The following RSPH4A variants were observed in gnomAD, a reference collection of about 807,000 sequenced individuals.
The protein encoded by RSPH4A is radial spoke head component 4A.
In RSPH4A, 47 loss-of-function variants were observed where a neutral mutation model predicts 71.0. The observed-to-expected ratio is 0.66, with a 90% confidence interval of 0.52 to 0.84. RSPH4A has a LOEUF of 0.84. Among genes scored for constraint, RSPH4A ranks in the 40% least tolerant of loss-of-function variants. The pLI is 0.00. For synonymous variants in RSPH4A, 282 were observed against 302.3 expected, an observed-to-expected ratio of 0.93 and a Z score of 0.70; for missense variants, 793 against 855.2, an observed-to-expected ratio of 0.93 and a Z score of 0.91.
intron 2 of RSPH4A, among the ~76,000 whole-genome samples, chr6:116,624,078 G>A (rs784129): frequency 0.64 from 97,612 of 152,084 alleles, 32,739 homozygotes; most frequent in African/African-American, 0.85. Context: ...GTGTCTATAT[G>A]CTTTCAAATT....
rs776601140 is a variant in RSPH4A at position 116,628,241 on chromosome 6, G to A, written c.1534G>A (p.Glu512Lys). ...FYQFGEEEGE[E>K]EEEAEGGRNS... ...TCAGTTTGGTGAAGAGGAAGGAGAG[G>A]AGGAGGAAGAGGCAGAAGGTGGGCG... The change falls in exon 3 of 6, where the codon GAG (glutamate) becomes AAG (lysine). Residue 512 changes from glutamate (E) to lysine (K), a missense_variant. Coordinates refer to ENST00000229554, the MANE Select transcript of RSPH4A (RefSeq NM_001010892.3). 5 of 1,612,580 alleles carry A rather than the reference G, an allele frequency of 3.1e-6. No individual in the cohort carries two copies. Among genetic ancestry groups the A allele is most frequent in the Non-Finnish European group, 4.2e-6 (5 of 1,178,866 alleles).
At position 116,617,298 on chromosome 6, in the gene RSPH4A, G is replaced by T. The variant is rs79327004; in HGVS notation, c.675G>T (p.Ser225=). The T allele has an allele frequency of 5.4e-4, 876 of 1,611,392 alleles. 6 individuals carry two copies. The African/African-American group carries it at 0.01, about 19-fold the overall frequency. ...ACCTGCTGAAGACTAGCAGCAATTC[G>T]GGCTTTAATCTGTAAGTCTCAGAGG... ...KAYLLKTSSN[S]GFNLYDHLSN... The change falls in exon 1 of 6, where the codon TCG becomes TCT. Residue 225 remains serine (S), a synonymous_variant. Transcript: ENST00000229554.
intron 1 of RSPH4A, among the ~76,000 whole-genome samples, 166 bp downstream of exon 1, chr6:116,617,475 T>C (rs998133451): frequency 4.6e-5 from 7 of 152,016 alleles, no homozygotes; most frequent in African/African-American, 1.7e-4. Flanking sequence ...TCAAAACAGG[T>C]CATTAATGGA....
chr6:116,617,986 G>A (rs760050783), intron 1 of RSPH4A, among the ~76,000 whole-genome samples: 1 of 152,140 alleles, frequency 6.6e-6, no homozygotes, highest in African/African-American at 2.4e-5. Context: ...TGCTTCCAGA[G>A]TTACATAATG....
At position 116,622,815 on chromosome 6, in the gene RSPH4A, C is replaced by T. The variant is rs1434851238; in HGVS notation, c.734C>T (p.Pro245Leu). 1 of 1,612,948 alleles carries T rather than the reference C, an allele frequency of 6.2e-7. No individual in the cohort carries two copies. Among genetic ancestry groups the T allele is most frequent in the Non-Finnish European group, 8.5e-7 (1 of 1,179,136 alleles). The change falls in exon 2 of 6, where the codon CCT becomes CTT. Residue 245 changes from proline to leucine, a missense_variant. Pro to Leu is a moderately conservative substitution (Grantham distance 98). Coordinates refer to ENST00000229554, the MANE Select transcript of RSPH4A (RefSeq NM_001010892.3). ...NMLTKILNER[P>L]ENAVDIFENI... ...TTGACCAAGATATTAAATGAGCGTCCTGAAAATGCTGTTGACATCTTTGAA... is the reference window on the plus strand; with the variant it reads ...TTGACCAAGATATTAAATGAGCGTCTTGAAAATGCTGTTGACATCTTTGAA...
In RSPH4A at chr6:116,617,091, C is replaced by CAA. The variant is rs767821337; in HGVS notation, c.470_471dup (p.Pro158AsnfsTer10). On this transcript the variant is annotated frameshift_variant, in exon 1 of 6. Transcript: ENST00000229554. LOFTEE classifies it high-confidence loss of function. The stretch of plus-strand genomic sequence containing the variant: ...ACACCTTTCAACAGTCTCAGCAACC[C>CAA]AAACCCCACCTGTGTGGACGAAGGG... The CAA allele has an allele frequency of 6.2e-7, 1 of 1,614,196 alleles. No individual in the cohort carries two copies. Among genetic ancestry groups the CAA allele is most frequent in the Non-Finnish European group, 8.5e-7 (1 of 1,180,026 alleles).
At chr6:116,621,183 A>G (rs1176167915) in intron 1 of RSPH4A, among the ~76,000 whole-genome samples, 1 of 152,134 alleles carries the variant, frequency 6.6e-6, no homozygotes, top group African/African-American at 2.4e-5. Flanking sequence ...CAGTGCATGA[A>G]TATTAAGGAA....
In RSPH4A at chr6:116,627,654, T is replaced by C. The variant is rs1196326617; in HGVS notation, c.947T>C (p.Met316Thr). 47 of 1,614,026 alleles carry C rather than the reference T, an allele frequency of 2.9e-5. No homozygotes were observed. Among genetic ancestry groups the C allele is most frequent in the Non-Finnish European group, 3.8e-5 (45 of 1,180,016 alleles). Residue 316 changes from methionine to threonine, a missense_variant, in exon 3 of 6, where the codon ATG becomes ACG. Physicochemically the swap from Met to Thr is moderately conservative, Grantham distance 81. Coordinates refer to ENST00000229554, the MANE Select transcript of RSPH4A (RefSeq NM_001010892.3). Reference sequence around the variant, plus strand: ...GCAGAAAACGCTCTTCCAAATGTAATGGAGTCAGCTTTTTATTTTGAACAA... The same window carrying C: ...GCAGAAAACGCTCTTCCAAATGTAACGGAGTCAGCTTTTTATTTTGAACAA... ...EIAENALPNV[M>T]ESAFYFEQAG...
rs761742508 is a variant in RSPH4A, at chr6:116,617,101, C to T, written c.478C>T (p.Leu160=). 6 of 1,614,230 alleles carry T rather than the reference C, an allele frequency of 3.7e-6. No individual in the cohort carries two copies. Among genetic ancestry groups the T allele is most frequent in the Admixed American group, 3.3e-5 (2 of 60,036 alleles). The change falls in exon 1 of 6, where the codon CTG becomes TTG. Residue 160 remains leucine (L), a synonymous_variant. Transcript: ENST00000229554. ...ACAGTCTCAGCAACCCAAACCCCAC[C>T]TGTGTGGACGAAGGGACGTGAGCTA... ...FQQSQQPKPH[L]CGRRDVSYNN...
intron 1 of RSPH4A, among the ~76,000 whole-genome samples, chr6:116,618,126 A>G (rs1385284778): frequency 6.6e-6 from 1 of 152,034 alleles, no homozygotes; most frequent in African/African-American, 2.4e-5. Flanking sequence ...GGCTAACAAC[A>G]CTTACCGACT....
At chr6:116,626,959 AATATATGTGTACATAGTT>A (rs1331610286) in intron 2 of RSPH4A, among the ~76,000 whole-genome samples, 3 of 152,160 alleles carry the variant, frequency 2.0e-5, no homozygotes, top group Non-Finnish European at 2.9e-5. Flanking sequence ...TTTTGTTCTA[AATATATGTGTACATAGTT>A]ATTCTACATC....
At chr6:116,618,709 T>C (rs543079275) in intron 1 of RSPH4A, among the ~76,000 whole-genome samples, 14 of 152,316 alleles carry the variant, frequency 9.2e-5, no homozygotes, top group Admixed American at 4.6e-4. Context: ...GACAAAATGT[T>C]TGGGGTTCTG....
In RSPH4A at chr6:116,616,541, G is replaced by C; in HGVS notation, c.-83G>C. 4 of 1,236,062 alleles carry C rather than the reference G, an allele frequency of 3.2e-6. No individual in the cohort carries two copies. Among genetic ancestry groups the C allele is most frequent in the Non-Finnish European group, 3.5e-6 (3 of 861,752 alleles). 76.6% of individuals were successfully genotyped at this position (1,236,062 alleles called of 1,614,324 possible). The stretch of plus-strand genomic sequence containing the variant: ...ACCCAGAAATCGCTTAAGAGACCGC[G>C]GCAAAGTAACTTAACTGAGTTGCCT... On this transcript the variant is annotated 5_prime_UTR_variant, in exon 1 of 6. Coordinates refer to ENST00000229554, the MANE Select transcript of RSPH4A (RefSeq NM_001010892.3).
intron 4 of RSPH4A, among the ~76,000 whole-genome samples, chr6:116,630,214 CA>C (rs1775770150): frequency 6.6e-6 from 1 of 151,924 alleles, no homozygotes; most frequent in African/African-American, 2.4e-5. Context: ...GTCTTGTTTG[CA>C]AAAATGGAGA....
chr6:116,628,151 A>G lies in RSPH4A; in HGVS notation c.1444A>G (p.Asn482Asp), dbSNP rs763229151. The G allele has an allele frequency of 9.3e-6, 15 of 1,614,162 alleles. No individual in the cohort carries two copies. Among genetic ancestry groups the G allele is most frequent in the Non-Finnish European group, 1.3e-5 (15 of 1,180,020 alleles). ...SYPPFPGNES[N>D]YLRAQIARIS... The stretch of plus-strand genomic sequence containing the variant: ...CCCACCTTTCCCAGGAAATGAGAGT[A>G]ATTATTTACGAGCACAAATTGCCCG... Residue 482 changes from asparagine (N) to aspartate (D), a missense_variant, in exon 3 of 6, where the codon AAT becomes GAT. Coordinates refer to ENST00000229554, the MANE Select transcript of RSPH4A (RefSeq NM_001010892.3).
chr6:116,625,171 C>G (rs17078151), intron 2 of RSPH4A, among the ~76,000 whole-genome samples: 55,209 of 151,966 alleles, frequency 0.36, 10,681 homozygotes, highest in African/African-American at 0.5. Flanking sequence ...TTATTATATT[C>G]TTTTGACAAC....
intron 1 of RSPH4A, among the ~76,000 whole-genome samples, chr6:116,621,373 G>A (rs972842894): frequency 6.6e-6 from 1 of 152,050 alleles, no homozygotes; most frequent in African/African-American, 2.4e-5. Flanking sequence ...TAGATAAATA[G>A]AGACGTTAAA....
intron 2 of RSPH4A, among the ~76,000 whole-genome samples, chr6:116,625,808 G>A (rs547743706): frequency 2.0e-5 from 3 of 152,092 alleles, no homozygotes; most frequent in Non-Finnish European, 4.4e-5. Context: ...AGAGTACATA[G>A]AAAAAAGAGA....
intron 2 of RSPH4A, among the ~76,000 whole-genome samples, chr6:116,626,343 CTT>C (rs1190434142): frequency 6.6e-6 from 1 of 152,008 alleles, no homozygotes; most frequent in Non-Finnish European, 1.5e-5. Flanking sequence ...AAATGTGTTT[CTT>C]TTTTTCTTTT....
Sources: allele counts gnomAD v4.1 joint callset (sites outside exome capture counted in the v4.1 genomes callset), GRCh38; gene constraint gnomAD v4.1.1; transcripts MANE v1.5; gene names NCBI Gene and HGNC (gene_info 2026-07-23, HGNC 2026-07-21).